Variants in DENND6A observed in about 807,000 individuals in gnomAD.
The protein encoded by DENND6A is protein DENND6A.
A neutral mutation model predicts 95.5 loss-of-function variants in DENND6A; 43 were observed. That is an observed-to-expected ratio of 0.45 (90% confidence interval 0.35 to 0.58). DENND6A has a LOEUF of 0.58. Among genes scored for constraint, DENND6A ranks in the 20% least tolerant of loss-of-function variants. The probability of loss-of-function intolerance (pLI) is 0.00; values close to 1 mark genes in which losing one functional copy is unlikely to be tolerated. For synonymous variants in DENND6A, 257 were observed against 260.4 expected, an observed-to-expected ratio of 0.99 and a Z score of 0.13; for missense variants, 574 against 736.0, an observed-to-expected ratio of 0.78 and a Z score of 2.55.
chr3:57,659,555 G>A (rs2071386565), intron 7 of DENND6A, among the ~76,000 whole-genome samples: 1 of 152,096 alleles, frequency 6.6e-6, no homozygotes, highest in Non-Finnish European at 1.5e-5. Context: ...AGGAAACAAT[G>A]AGAACACTCA....
At chr3:57,647,755 G>A (rs540288293) in intron 9 of DENND6A, among the ~76,000 whole-genome samples, 3 of 150,048 alleles carry the variant, frequency 2.0e-5, no homozygotes, top group African/African-American at 7.3e-5. Flanking sequence ...TTGACCTGGT[G>A]TTGAGAGTCA....
chr3:57,690,001 T>C (rs920352327), intron 1 of DENND6A, among the ~76,000 whole-genome samples: 7 of 149,930 alleles, frequency 4.7e-5, no homozygotes, highest in African/African-American at 1.5e-4. Context: ...TAGTGAGTTA[T>C]GATCATGCCA....
chr3:57,633,339 G>A lies in DENND6A; in HGVS notation c.1279C>T (p.Arg427Cys), dbSNP rs973256190. Residue 427 changes from arginine (R) to cysteine (C), a missense_variant, in exon 15 of 20, where the codon CGT (arginine) becomes TGT (cysteine). Transcript: ENST00000311128. ...KQLQKGVQQK[R>C]PSEAQSVILR... is the part of the protein sequence containing the mutation. ...ATAACACTTTGAGCCTCAGAAGGAC[G>A]TTTCTGTTGTACACCCTTAAAAGAG... The A allele has an allele frequency of 1.9e-6, 3 of 1,613,512 alleles. No individual in the cohort carries two copies. The highest frequency in any genetic ancestry group is 1.3e-5 in the African/African-American group (1 of 74,876).
At chr3:57,653,445 C>A (rs1048719848) in intron 9 of DENND6A, among the ~76,000 whole-genome samples, 1 of 152,034 alleles carries the variant, frequency 6.6e-6, no homozygotes, top group African/African-American at 2.4e-5. Context: ...TTCTCTCGAA[C>A]TAAAAAATAT....
intron 9 of DENND6A, among the ~76,000 whole-genome samples, chr3:57,653,686 C>G (rs1307126831): frequency 1.4e-5 from 2 of 146,862 alleles, no homozygotes; most frequent in African/African-American, 2.5e-5. Flanking sequence ...GCGGAGGTTG[C>G]AGTGAGCCGA....
intron 15 of DENND6A, 194 bp from the exon 16 acceptor site, chr3:57,631,172 C>T (rs2070662595): frequency 1.8e-6 from 1 of 569,588 alleles, no homozygotes; most frequent in African/African-American, 1.9e-5. Context: ...AAAAATTCAA[C>T]TAAATCTTAG....
intron 9 of DENND6A, among the ~76,000 whole-genome samples, chr3:57,656,993 C>A (rs891258472): frequency 1.3e-5 from 2 of 152,072 alleles, no homozygotes; most frequent in African/African-American, 2.4e-5. Context: ...CAAAAAAATC[C>A]ATTTTAAGTC....
chr3:57,635,200 G>GGTTTTGTTTTGTTTT (rs140021615), intron 12 of DENND6A, among the ~76,000 whole-genome samples: 25 of 151,340 alleles, frequency 1.7e-4, no homozygotes, highest in African/African-American at 5.6e-4. Flanking sequence ...GGGTTTGTGG[G>GGTTTTGTTTTGTTTT]GTTTTGTTTT....
At chr3:57,649,702 T>C (rs1294550095) in intron 9 of DENND6A, among the ~76,000 whole-genome samples, 1 of 151,852 alleles carries the variant, frequency 6.6e-6, no homozygotes, top group Non-Finnish European at 1.5e-5. Context: ...CTAATACTTT[T>C]CTCATCTCCC....
chr3:57,675,935 C>G (rs751395288), intron 1 of DENND6A, among the ~76,000 whole-genome samples: 1 of 152,042 alleles, frequency 6.6e-6, no homozygotes. Context: ...AACATTATAC[C>G]GGAGGTGCCT....
At position 57,626,087 on chromosome 3, in the gene DENND6A, T is replaced by G. The variant is rs187898088; in HGVS notation, c.*2127A>C. 2.0e-5 allele frequency: 3 copies of G among 152,766 alleles called. No homozygotes were observed. The East Asian group carries it at 5.8e-4, about 29-fold the overall frequency. 9.5% of individuals were successfully genotyped at this position (152,766 alleles called of 1,614,324 possible). A position where few individuals can be genotyped will look rare whatever the true frequency, so the allele number is the denominator to read the frequency against. ...CATATAAAAGTAGTTGCTCCTTTTC[T>G]GAAAAGTCAGCTGTTGTTTCACAAA... On this transcript the variant is annotated 3_prime_UTR_variant, in exon 20 of 20. Coordinates refer to ENST00000311128, the MANE Select transcript of DENND6A (RefSeq NM_152678.3).
At chr3:57,687,011 GA>G (rs956931020) in intron 1 of DENND6A, among the ~76,000 whole-genome samples, 4 of 152,178 alleles carry the variant, frequency 2.6e-5, no homozygotes, top group African/African-American at 9.6e-5. Context: ...GAATGCAAAG[GA>G]AAAGTTCTTT....
At chr3:57,683,055 T>C (rs1014173706) in intron 1 of DENND6A, among the ~76,000 whole-genome samples, 17 of 152,220 alleles carry the variant, frequency 1.1e-4, no homozygotes, top group Non-Finnish European at 4.4e-5. Flanking sequence ...CTGATTAACA[T>C]AATAGAATCC....
At chr3:57,670,091 A>T (rs1358647602) in intron 3 of DENND6A, among the ~76,000 whole-genome samples, 4 of 152,090 alleles carry the variant, frequency 2.6e-5, no homozygotes, top group African/African-American at 4.8e-5. Flanking sequence ...GTACTTAAAA[A>T]TTTTTTTGAT....
At chr3:57,678,681 C>A (rs2077130978) in intron 1 of DENND6A, among the ~76,000 whole-genome samples, 1 of 152,188 alleles carries the variant, frequency 6.6e-6, no homozygotes, top group African/African-American at 2.4e-5. Flanking sequence ...TTCTCTCTAC[C>A]ATGTGAGGAC....
intron 1 of DENND6A, among the ~76,000 whole-genome samples, chr3:57,673,660 G>C (rs1436363418): frequency 1.3e-5 from 2 of 152,160 alleles, no homozygotes; most frequent in African/African-American, 4.8e-5. Context: ...ATTATACATT[G>C]CATGTCTGCA....
chr3:57,649,926 C>T (rs373990261), intron 9 of DENND6A, among the ~76,000 whole-genome samples: 6,690 of 149,738 alleles, frequency 0.045, 144 homozygotes, highest in Non-Finnish European at 0.051. Flanking sequence ...TATATATACA[C>T]ACACACACAC....
rs1448067599 is a variant in DENND6A, at chr3:57,672,456, A to C, written c.238-18T>G. 7 of 1,607,444 alleles carry C rather than the reference A, an allele frequency of 4.4e-6. No individual in the cohort carries two copies. The highest frequency in any genetic ancestry group is 2.1e-4 in the Middle Eastern group (1 of 4,736). On this transcript the variant is annotated intron_variant, in intron 1 of 19. Transcript: ENST00000311128. ...TAAATTACCTGGAAGAAAAGAGTTA[A>C]ATTTTGTTAAACATATTATAAACAT...
At chr3:57,639,671 C>G (rs972926140) in intron 12 of DENND6A, among the ~76,000 whole-genome samples, 1 of 152,154 alleles carries the variant, frequency 6.6e-6, no homozygotes, top group African/African-American at 2.4e-5. Context: ...TACCATGCAT[C>G]AGGCACTGTG....
Sources: allele counts gnomAD v4.1 joint callset (sites outside exome capture counted in the v4.1 genomes callset), GRCh38; gene constraint gnomAD v4.1.1; transcripts MANE v1.5; gene names NCBI Gene and HGNC (gene_info 2026-07-23, HGNC 2026-07-21).